The following STK39 variants were observed in gnomAD, a reference collection of about 807,000 sequenced individuals.
STK39 encodes the protein STE20/SPS1-related proline-alanine-rich protein kinase.
STK39 carries 20 observed loss-of-function variants against 77.8 expected under a neutral mutation model. The ratio of observed to expected loss-of-function variants is 0.26; its 90% CI spans 0.18 to 0.37. STK39 has a LOEUF of 0.37. Ranked by LOEUF, STK39 falls within the 10% of genes least tolerant of loss-of-function variation. The probability of loss-of-function intolerance (pLI) is 1.00; values close to 1 mark genes in which losing one functional copy is unlikely to be tolerated. For missense variants in STK39, 479 were observed against 656.5 expected, an observed-to-expected ratio of 0.73 and a Z score of 2.95; for synonymous variants, 246 against 234.1, an observed-to-expected ratio of 1.05 and a Z score of -0.47.
intron 5 of STK39, among the ~76,000 whole-genome samples, chr2:168,156,377 C>T (rs911813471): frequency 1.3e-5 from 2 of 152,112 alleles, no homozygotes; most frequent in Non-Finnish European, 2.9e-5. Flanking sequence ...ATGCTTTATT[C>T]CATCAACAAT....
At chr2:168,008,465 G>A (rs953083520) in intron 16 of STK39, among the ~76,000 whole-genome samples, 2 of 152,186 alleles carry the variant, frequency 1.3e-5, no homozygotes, top group African/African-American at 4.8e-5. Flanking sequence ...AGGCTGGGAA[G>A]AAACACCAGG....
chr2:168,031,851 A>C (rs999967331), intron 14 of STK39, among the ~76,000 whole-genome samples: 1 of 152,182 alleles, frequency 6.6e-6, no homozygotes, highest in African/African-American at 2.4e-5. Flanking sequence ...TAGCAAACTA[A>C]TATACTATCT....
chr2:167,990,038 T>A lies in STK39; in HGVS notation c.1498+22596A>T, dbSNP rs181835642. 6.8e-4 allele frequency among the ~76,000 whole-genome samples: 104 copies of A among 152,236 alleles called. 1 individual carries two copies. Among genetic ancestry groups the A allele is most frequent in the African/African-American group, 2.3e-3 (96 of 41,542 alleles). ...AATCATCATCATCATCTTCAAATGG[T>A]TATTAGAAACTAAACTGTAAAAAAA... On this transcript the variant is annotated intron_variant, in intron 16 of 17. Transcript: ENST00000355999.
chr2:168,232,772 C>T (rs530116279), intron 1 of STK39, among the ~76,000 whole-genome samples: 2 of 151,904 alleles, frequency 1.3e-5, no homozygotes, highest in East Asian at 1.9e-4. Context: ...ATTAGCTGGA[C>T]GTAGTGGCAG....
At chr2:168,064,977 T>G (rs528654338) in intron 13 of STK39, among the ~76,000 whole-genome samples, 1 of 152,310 alleles carries the variant, frequency 6.6e-6, no homozygotes, top group South Asian at 2.1e-4. Flanking sequence ...TGAAAACAGG[T>G]TACAGAAATC....
intron 13 of STK39, among the ~76,000 whole-genome samples, chr2:168,064,917 G>C (rs532441148): frequency 9.9e-5 from 15 of 152,264 alleles, no homozygotes; most frequent in African/African-American, 3.6e-4. Context: ...TTTTTACAAG[G>C]CAAGTTGTAG....
At chr2:168,189,059 C>T (rs1307102561) in intron 1 of STK39, among the ~76,000 whole-genome samples, 1 of 152,110 alleles carries the variant, frequency 6.6e-6, no homozygotes. Flanking sequence ...AGCCTCCTTC[C>T]AGGGTTGCTG....
intron 1 of STK39, among the ~76,000 whole-genome samples, chr2:168,220,152 C>T (rs1690130122): frequency 6.6e-6 from 1 of 152,068 alleles, no homozygotes; most frequent in Admixed American, 6.6e-5. Flanking sequence ...AACTGCTGAC[C>T]TCAAGCAATC....
At chr2:168,098,767 TA>T (rs199965851) in intron 10 of STK39, among the ~76,000 whole-genome samples, 21 of 150,080 alleles carry the variant, frequency 1.4e-4, no homozygotes, top group East Asian at 3.9e-4. Flanking sequence ...TTCAAAATAA[TA>T]AAAAAAAAAT....
intron 16 of STK39, among the ~76,000 whole-genome samples, chr2:167,998,784 C>T (rs960671679): frequency 1.3e-5 from 2 of 152,156 alleles, no homozygotes; most frequent in Non-Finnish European, 2.9e-5. Context: ...ATAAATGAAC[C>T]CAGAACACTG....
chr2:168,107,339 G>C (rs1418665725), intron 10 of STK39, among the ~76,000 whole-genome samples: 4 of 152,252 alleles, frequency 2.6e-5, no homozygotes, highest in Middle Eastern at 3.4e-3. Context: ...CTTGATGCAG[G>C]GAAATACTTT....
chr2:168,247,443 C>T lies in STK39; in HGVS notation c.-8G>A, dbSNP rs1553465728. ...GCCGCTCGGCTCCGCCATGATGCTG[C>T]GGAGGAGAGCAGGAGGACGCGCCGG... On this transcript the variant is annotated 5_prime_UTR_variant, in exon 1 of 18. Transcript: ENST00000355999. 1 of 1,296,376 alleles carries T rather than the reference C, an allele frequency of 7.7e-7. No individual in the cohort carries two copies. The highest frequency in any genetic ancestry group is 9.9e-7 in the Non-Finnish European group (1 of 1,009,632). The allele number at this position is 1,296,376 out of a possible 1,614,324, so 80.3% of individuals were successfully genotyped here. A position where few individuals can be genotyped will look rare whatever the true frequency, so the allele number is the denominator to read the frequency against.
At chr2:168,182,346 C>T (rs1319332237) in intron 1 of STK39, among the ~76,000 whole-genome samples, 3 of 152,214 alleles carry the variant, frequency 2.0e-5, no homozygotes, top group East Asian at 1.9e-4. Context: ...CTACATACAA[C>T]CTTGCATGAA....
In STK39 at chr2:168,208,712, C is replaced by A. The variant is rs1439401540; in HGVS notation, c.209-26622G>T. 2.0e-5 allele frequency among the ~76,000 whole-genome samples: 3 copies of A among 152,220 alleles called. No homozygotes were observed. In the South Asian group the frequency reaches 6.2e-4, roughly 31 times the overall value. On this transcript the variant is annotated intron_variant, in intron 1 of 17. Transcript: ENST00000355999. ...CACTACCCTGAAATAGGCAGGACCACGTGACTTGTTCTGGCCAGTGAAATG... is the reference window on the plus strand; with the variant it reads ...CACTACCCTGAAATAGGCAGGACCAAGTGACTTGTTCTGGCCAGTGAAATG...
intron 17 of STK39, among the ~76,000 whole-genome samples, chr2:167,956,690 A>ACC (rs1691781009): frequency 4.4e-5 from 2 of 45,912 alleles, no homozygotes; most frequent in Admixed American, 2.1e-4. Context: ...ACACACACAC[A>ACC]CACACACTCT....
intron 14 of STK39, among the ~76,000 whole-genome samples, chr2:168,018,209 C>T (rs1471568030): frequency 6.6e-6 from 1 of 151,940 alleles, no homozygotes; most frequent in Non-Finnish European, 1.5e-5. Flanking sequence ...CTTAAGAAAT[C>T]GCAGTAGAAG....
chr2:168,086,670 T>C (rs553886202), intron 10 of STK39, among the ~76,000 whole-genome samples: 99 of 152,346 alleles, frequency 6.5e-4, no homozygotes, highest in African/African-American at 2.2e-3. Context: ...GACACATTTA[T>C]AGCAACTTCC....
intron 12 of STK39, among the ~76,000 whole-genome samples, chr2:168,074,402 A>G (rs911784275): frequency 5.3e-5 from 8 of 152,230 alleles, no homozygotes; most frequent in African/African-American, 1.9e-4. Flanking sequence ...ATAATTAATC[A>G]AATGGAGGAA....
chr2:168,163,642 C>T, intron 4 of STK39, 97 bp downstream of exon 4: 1 of 1,603,512 alleles, frequency 6.2e-7, no homozygotes, highest in Non-Finnish European at 8.5e-7. Context: ...GAGGTCACAC[C>T]TGTGAATCTG....
Sources: gnomAD v4.1 joint callset for allele counts (sites outside exome capture counted in the v4.1 genomes callset) on GRCh38, gnomAD v4.1.1 for gene constraint, MANE v1.5 for transcripts, NCBI Gene and HGNC (gene_info 2026-07-23, HGNC 2026-07-21) for gene names.